COL28A1: variants seen among roughly 807,000 people sequenced by gnomAD.
COL28A1 encodes the protein collagen alpha-1(XXVIII) chain.
Under a neutral mutation model 150.2 loss-of-function variants are expected in COL28A1, and 161 were observed. The ratio of observed to expected loss-of-function variants is 1.07; its 90% confidence interval spans 0.94 to 1.22. COL28A1 has a LOEUF of 1.22. Ranked by LOEUF, COL28A1 falls within the 50% of genes most tolerant of loss-of-function variation. The pLI is 0.00. For synonymous variants in COL28A1, 552 were observed against 469.7 expected, an observed-to-expected ratio of 1.18 and a Z score of -2.26; for missense variants, 1,617 against 1,388.3, an observed-to-expected ratio of 1.16 and a Z score of -2.62.
At chr7:7,447,128 A>T (rs1364038756) in intron 18 of COL28A1, among the ~76,000 whole-genome samples, 2 of 152,220 alleles carry the variant, frequency 1.3e-5, no homozygotes, top group Non-Finnish European at 2.9e-5. Flanking sequence ...TTAACCCTAG[A>T]CTAAATGTTG....
intron 9 of COL28A1, among the ~76,000 whole-genome samples, chr7:7,509,423 C>T (rs748566819): frequency 2.6e-5 from 4 of 152,146 alleles, no homozygotes; most frequent in Admixed American, 1.3e-4. Flanking sequence ...CTACTGTATT[C>T]GGATATTTTT....
At chr7:7,480,133 A>C (rs1228568027) in intron 13 of COL28A1, among the ~76,000 whole-genome samples, 1 of 152,342 alleles carries the variant, frequency 6.6e-6, no homozygotes, top group Admixed American at 6.5e-5. Flanking sequence ...CCTCAAGCCC[A>C]GTAGCAGAAC....
chr7:7,347,243 CT>C, the COL28A1 span, among the ~76,000 whole-genome samples: 1 of 152,014 alleles, frequency 6.6e-6, no homozygotes, highest in African/African-American at 2.4e-5. Flanking sequence ...CTTAAAATAC[CT>C]GTTACAGCCT....
rs12669210 is a variant in COL28A1, at chr7:7,504,053, G to A, written c.1026+1961C>T. 9.5e-4 allele frequency among the ~76,000 whole-genome samples: 145 copies of A among 152,250 alleles called. 2 individuals carry two copies. The East Asian group carries it at 0.022, about 23-fold the overall frequency. ...CTCCTTTTATGATTATGCTGTAAAA[G>A]TCAACCACAAAGTGCTATTATGTCA... On this transcript the variant is annotated intron_variant, in intron 11 of 34. Coordinates refer to ENST00000399429, the MANE Select transcript of COL28A1 (RefSeq NM_001037763.3).
chr7:7,418,778 T>C (rs1025854161), intron 26 of COL28A1, among the ~76,000 whole-genome samples: 1 of 151,984 alleles, frequency 6.6e-6, no homozygotes, highest in African/African-American at 2.4e-5. Flanking sequence ...AAAGATGACA[T>C]GAACAAGAAA....
At chr7:7,353,867 T>C (rs564184778), downstream of COL28A1, among the ~76,000 whole-genome samples, 22 of 152,202 alleles carry the variant, frequency 1.4e-4, no homozygotes, top group African/African-American at 5.1e-4. Flanking sequence ...AACAACAATA[T>C]AGTGACTGAT....
At position 7,489,429 on chromosome 7, in the gene COL28A1, C is replaced by T. The variant is rs1269703056; in HGVS notation, c.1124G>A (p.Gly375Glu). Residue 375 changes from glycine to glutamate, a missense_variant, in exon 13 of 35, where the codon GGA becomes GAA. By Grantham distance (98) the Gly-to-Glu change is moderately conservative. Coordinates refer to ENST00000399429, the MANE Select transcript of COL28A1 (RefSeq NM_001037763.3). Reference sequence around the variant, plus strand: ...ACCAACTCCAATGGGTCCTGGAGCTCCCGGTCTTCCTTCTTGGCCTCTTTC... The same window carrying T: ...ACCAACTCCAATGGGTCCTGGAGCTTCCGGTCTTCCTTCTTGGCCTCTTTC... Reference protein sequence around the residue: ...KGERGQEGRPGAPGPIGVGEP... With the variant: ...KGERGQEGRPEAPGPIGVGEP... 5 of 1,462,076 alleles carry T rather than the reference C, an allele frequency of 3.4e-6. No individual in the cohort carries two copies. The highest frequency in any genetic ancestry group is 4.8e-6 in the Non-Finnish European group (5 of 1,041,342). The allele number at this position is 1,462,076 out of a possible 1,614,324, so 90.6% of individuals were successfully genotyped here.
chr7:7,488,848 G>A (rs1779764340), intron 13 of COL28A1, among the ~76,000 whole-genome samples: 1 of 152,126 alleles, frequency 6.6e-6, no homozygotes, highest in Non-Finnish European at 1.5e-5. Context: ...TTTTCTTCTT[G>A]TTCAAGTTGA....
chr7:7,420,012 AAT>A lies in COL28A1; in HGVS notation c.1999-61_1999-60del. ...TTTTTAAAGACTTTATGTTTTTTTC[AAT>A]ATATATATTTTAATATCAAAAACTT... On this transcript the variant is annotated intron_variant, in intron 25 of 34. Coordinates refer to ENST00000399429, the MANE Select transcript of COL28A1 (RefSeq NM_001037763.3). 4.4e-6 allele frequency: 5 copies of A among 1,146,070 alleles called. No homozygotes were observed. In the South Asian group the frequency reaches 5.0e-5, roughly 11 times the overall value. The allele number at this position is 1,146,070 out of a possible 1,614,324, so 71.0% of individuals were successfully genotyped here.
chr7:7,360,474 C>G lies in COL28A1; in HGVS notation c.3121G>C (p.Ala1041Pro). The G allele has an allele frequency of 6.2e-7, 1 of 1,609,774 alleles. No homozygotes were observed. The highest frequency in any genetic ancestry group is 1.1e-5 in the South Asian group (1 of 90,098). ...GAGGTAGTGGCAGGCAGATCATCAGCCCACGTTGGCTCTGGAGCCTTATCA... is the reference window on the plus strand; with the variant it reads ...GAGGTAGTGGCAGGCAGATCATCAGGCCACGTTGGCTCTGGAGCCTTATCA... Reference protein sequence around the residue: ...EDDKAPEPTWADDLPATTSSE... With the variant: ...EDDKAPEPTWPDDLPATTSSE... The change falls in exon 34 of 35, where the codon GCT becomes CCT. Residue 1041 changes from alanine to proline, a missense_variant. By Grantham distance (27) the Ala-to-Pro change is conservative (BLOSUM62 -1). Coordinates refer to ENST00000399429, the MANE Select transcript of COL28A1 (RefSeq NM_001037763.3).
At chr7:7,432,918 G>A (rs527547345) in intron 23 of COL28A1, among the ~76,000 whole-genome samples, 2 of 150,528 alleles carry the variant, frequency 1.3e-5, no homozygotes, top group African/African-American at 4.9e-5. Context: ...AGCACAATGT[G>A]AGAAGAGTAG....
chr7:7,499,758 C>T (rs1780420978), intron 11 of COL28A1, among the ~76,000 whole-genome samples: 2 of 152,104 alleles, frequency 1.3e-5, no homozygotes, highest in South Asian at 4.1e-4. Flanking sequence ...GAACTACTTC[C>T]AACCCATAAC....
chr7:7,435,163 T>C (rs1408450676), intron 23 of COL28A1, among the ~76,000 whole-genome samples: 1 of 152,212 alleles, frequency 6.6e-6, no homozygotes, highest in African/African-American at 2.4e-5. Context: ...GTGAGGCCTA[T>C]AAACTCTAGC....
chr7:7,515,811 T>C lies in COL28A1; in HGVS notation c.882+3A>G. ...GTCAATCTATTTGTTGTTACCAACT[T>C]ACCTTGTCACCCTTGTACCCAGGAA... On this transcript the variant is annotated splice_donor_region_variant and intron_variant, in intron 8 of 34. Transcript: ENST00000399429. 1 of 1,057,620 alleles carries C rather than the reference T, an allele frequency of 9.5e-7. No homozygotes were observed. The highest frequency in any genetic ancestry group is 1.5e-6 in the Non-Finnish European group (1 of 673,946). The allele number at this position is 1,057,620 out of a possible 1,614,324, so 65.5% of individuals were successfully genotyped here. A position where few individuals can be genotyped will look rare whatever the true frequency, so the allele number is the denominator to read the frequency against.
In COL28A1 at chr7:7,410,996, C is replaced by A. The variant is rs1445032928; in HGVS notation, c.2136+6863G>T. On this transcript the variant is annotated intron_variant, in intron 27 of 34. Transcript: ENST00000399429. ...TGTGCTGTAAAAGGTTCATTCTAAC[C>A]ACAAATCTAGTCAAGTGGATTCTGG... is the stretch of plus-strand genomic sequence containing the variant. 2.0e-5 allele frequency among the ~76,000 whole-genome samples: 3 copies of A among 152,104 alleles called. No homozygotes were observed. In the East Asian group the frequency reaches 5.8e-4, roughly 29 times the overall value.
At chr7:7,474,051 A>G (rs1226489774) in intron 15 of COL28A1, among the ~76,000 whole-genome samples, 2 of 143,432 alleles carry the variant, frequency 1.4e-5, no homozygotes, top group Non-Finnish European at 3.0e-5. Flanking sequence ...TATATACTAT[A>G]TACTCTATAT....
chr7:7,338,525 T>C, the COL28A1 span, among the ~76,000 whole-genome samples: 1 of 152,004 alleles, frequency 6.6e-6, no homozygotes. Context: ...CCGCTACTGA[T>C]TTTTACACAT....
chr7:7,373,426 C>T lies in COL28A1; in HGVS notation c.2480G>A (p.Arg827Gln), dbSNP rs201410103. The change falls in exon 32 of 35, where the codon CGG (arginine) becomes CAG (glutamine). Residue 827 changes from arginine to glutamine, a missense_variant. Physicochemically the swap from Arg to Gln is conservative, Grantham distance 43. Transcript: ENST00000399429. This position sits in a 1 kb window ranked among gnomAD's most constrained non-coding sequence, Gnocchi z 4.1. The part of the protein sequence containing the change: ...IKNFVKTMAD[R>Q]VALDLATARI... Reference sequence around the variant, plus strand: ...GGCCGTGGCAAGGTCCAGAGCAACCCGGTCAGCCATAGTCTTCACAAAATT... The same window carrying T: ...GGCCGTGGCAAGGTCCAGAGCAACCTGGTCAGCCATAGTCTTCACAAAATT... The T allele has an allele frequency of 2.2e-4, 356 of 1,613,996 alleles. No individual in the cohort carries two copies. The highest frequency in any genetic ancestry group is 2.8e-4 in the Non-Finnish European group (327 of 1,180,040).
the COL28A1 span, among the ~76,000 whole-genome samples, chr7:7,347,220 G>A: frequency 2.6e-5 from 4 of 152,142 alleles, no homozygotes; most frequent in South Asian, 8.3e-4. Context: ...TGTCCCTGGT[G>A]CATGAGCCCT....
Sources: allele counts gnomAD v4.1 joint callset (sites outside exome capture counted in the v4.1 genomes callset), GRCh38; gene constraint gnomAD v4.1.1; non-coding constraint Gnocchi (gnomAD v3.1); transcripts MANE v1.5; gene names NCBI Gene and HGNC (gene_info 2026-07-23, HGNC 2026-07-21).